ZNF324: variants seen among roughly 807,000 people sequenced by gnomAD.
The protein encoded by ZNF324 is zinc finger protein 324, also known as zinc finger protein 324A.
In ZNF324, 3 loss-of-function variants were observed where a neutral mutation model predicts 10.3. The observed-to-expected ratio is 0.29, with a 90% CI of 0.13 to 0.75. The LOEUF (loss-of-function observed/expected upper bound fraction) is 0.75, where lower values mean the gene tolerates loss of function less well. ZNF324 is among the 30% of genes least tolerant of loss of function. The pLI is 0.69. For missense variants in ZNF324, 763 were observed against 784.4 expected (o/e 0.97, Z 0.33); for synonymous variants, 430 against 339.5 (o/e 1.27, Z -2.93).
chr19:58,472,469 T>C lies in ZNF324; in HGVS notation c.*315T>C, dbSNP rs1205809902. On this transcript the variant is annotated 3_prime_UTR_variant, in exon 4 of 4. Transcript: ENST00000196482. ...AGCACTGCACTGTGGTGCGGCTTCATGTGATATGACAGTGGATGCTAAGGT... is the reference window on the plus strand; with the variant it reads ...AGCACTGCACTGTGGTGCGGCTTCACGTGATATGACAGTGGATGCTAAGGT... The C allele has an allele frequency of 5.5e-6, 2 of 363,324 alleles. No homozygotes were observed. The highest frequency in any genetic ancestry group is 1.0e-5 in the Non-Finnish European group (2 of 199,908). The allele number at this position is 363,324 out of a possible 1,614,324, so 22.5% of individuals were successfully genotyped here.
chr19:58,467,486 G>T (rs930875167), intron 1 of ZNF324: 1 of 152,308 alleles, frequency 6.6e-6, no homozygotes, highest in African/African-American at 2.4e-5. Flanking sequence ...GGGTTCCGCT[G>T]GCGGCGGTGG....
intron 2 of ZNF324, 105 bp from the exon 3 acceptor site, chr19:58,469,623 C>T (rs1022876018): frequency 2.1e-6 from 2 of 958,316 alleles, no homozygotes; most frequent in African/African-American, 1.6e-5. Flanking sequence ...TGCAGTTGCA[C>T]AGATGACATT....
In ZNF324 at chr19:58,471,332, C is replaced by T. The variant is rs61186597; in HGVS notation, c.840C>T (p.Thr280=). The change falls in exon 4 of 4, where the codon ACC becomes ACT. Residue 280 remains threonine (T), a synonymous_variant. Coordinates refer to ENST00000196482, the MANE Select transcript of ZNF324 (RefSeq NM_014347.3). ...SDLLKHLRTH[T]GERPYECAQC... ...TCCTCAAGCACCTACGCACCCACACCGGGGAGCGGCCCTACGAGTGCGCCC... is the reference window on the plus strand; with the variant it reads ...TCCTCAAGCACCTACGCACCCACACTGGGGAGCGGCCCTACGAGTGCGCCC... The T allele has an allele frequency of 3.2e-3, 5,157 of 1,614,002 alleles. 117 individuals carry two copies. The African/African-American group carries it at 0.056, about 18-fold the overall frequency.
At chr19:58,469,926 G>C (rs915885788) in intron 3 of ZNF324, 82 bp downstream of exon 3, 2 of 1,112,332 alleles carry the variant, frequency 1.8e-6, no homozygotes, top group Non-Finnish European at 2.6e-6. Context: ...CTCCCCAGAA[G>C]CACCCTCCTC....
chr19:58,469,171 C>T lies in ZNF324; in HGVS notation c.-6-9C>T, dbSNP rs2053006450. ...GACCATGGCTGTCTCTTCCTCCCTG[C>T]TCTTTTAGGACCAGATGGCCTTTGA... On this transcript the variant is annotated splice_polypyrimidine_tract_variant and intron_variant, in intron 1 of 3. Transcript: ENST00000196482. 2 of 1,614,058 alleles carry T rather than the reference C, an allele frequency of 1.2e-6. No homozygotes were observed. Among genetic ancestry groups the T allele is most frequent in the Admixed American group, 1.7e-5 (1 of 60,014 alleles).
At chr19:58,468,099 G>T (rs575935465) in intron 1 of ZNF324, 1 of 743,628 alleles carries the variant, frequency 1.3e-6, no homozygotes, top group Non-Finnish European at 1.6e-6. Context: ...TGAGCGCCTG[G>T]AAGAAGAGAG....
chr19:58,468,896 G>A (rs955407114), intron 1 of ZNF324, among the ~76,000 whole-genome samples: 3 of 152,172 alleles, frequency 2.0e-5, no homozygotes, highest in Admixed American at 6.5e-5. Flanking sequence ...GTGGCTGTTG[G>A]GATGGGGAGC....
chr19:58,472,245 C>T lies in ZNF324; in HGVS notation c.*91C>T, dbSNP rs993648097. 46 of 1,339,370 alleles carry T rather than the reference C, an allele frequency of 3.4e-5. No homozygotes were observed. The highest frequency in any genetic ancestry group is 2.2e-4 in the South Asian group (15 of 66,976). The allele number at this position is 1,339,370 out of a possible 1,614,324, so 83.0% of individuals were successfully genotyped here. Reference sequence around the variant, plus strand: ...CAGATCCACAGCAGAGAAAAAGTCCCGTGCTTGCTAGTCAGGGACAAGGGA... The same window carrying T: ...CAGATCCACAGCAGAGAAAAAGTCCTGTGCTTGCTAGTCAGGGACAAGGGA... On this transcript the variant is annotated 3_prime_UTR_variant, in exon 4 of 4. Transcript: ENST00000196482.
Position 58,471,275 on chromosome 19 carries a change from G to C in ZNF324, c.783G>C (p.Ala261=), listed in dbSNP as rs760237175. 1 of 1,613,632 alleles carries C rather than the reference G, an allele frequency of 6.2e-7. No homozygotes were observed. Among genetic ancestry groups the C allele is most frequent in the East Asian group, 2.2e-5 (1 of 44,868 alleles). The change falls in exon 4 of 4, where the codon GCG becomes GCC. Residue 261 remains alanine (A), a synonymous_variant. Transcript: ENST00000196482. The stretch of plus-strand genomic sequence containing the variant: ...GGGAGAAGTCCTTCGAATGCAGGGC[G>C]TGCAGCAAAGTGTTCGTGAAGAGCT... The part of the protein sequence containing the change: ...HAGEKSFECR[A]CSKVFVKSSD...
In ZNF324 at chr19:58,469,861, G is replaced by C; in HGVS notation, c.238+17G>C. The stretch of plus-strand genomic sequence containing the variant: ...GCAACCCTGGTGAGAGGGAGCTCAG[G>C]GTGGGGTGAATTCAGGACCAACCTG... On this transcript the variant is annotated intron_variant, in intron 3 of 3. Coordinates refer to ENST00000196482, the MANE Select transcript of ZNF324 (RefSeq NM_014347.3). 1.3e-6 allele frequency: 2 copies of C among 1,586,844 alleles called. No individual in the cohort carries two copies. Among genetic ancestry groups the C allele is most frequent in the Non-Finnish European group, 1.7e-6 (2 of 1,165,548 alleles).
chr19:58,467,613 G>A lies in ZNF324; in HGVS notation c.-7+430G>A, dbSNP rs1405963374. ...GTCGTCTTTCCTCTCCCTGCCCTGG[G>A]GGGGTTGCGGGGGTCAGTGCAAACT... is the stretch of plus-strand genomic sequence containing the variant. On this transcript the variant is annotated intron_variant, in intron 1 of 3. Coordinates refer to ENST00000196482, the MANE Select transcript of ZNF324 (RefSeq NM_014347.3). 4 of 152,564 alleles carry A rather than the reference G, an allele frequency of 2.6e-5. No individual in the cohort carries two copies. The East Asian group carries it at 7.8e-4, about 30-fold the overall frequency. The allele number at this position is 152,564 out of a possible 1,614,324, so 9.5% of individuals were successfully genotyped here. A position where few individuals can be genotyped will look rare whatever the true frequency, so the allele number is the denominator to read the frequency against.
chr19:58,473,410 A>C lies in ZNF324; in HGVS notation c.*1256A>C, dbSNP rs2053055443. The C allele has an allele frequency of 1.7e-5, 2 of 116,870 alleles. No individual in the cohort carries two copies. Among genetic ancestry groups the C allele is most frequent in the Admixed American group, 1.8e-4 (2 of 11,126 alleles). 7.2% of individuals were successfully genotyped at this position (116,870 alleles called of 1,614,324 possible). ...CTCCAAGGAAATTCATGTTCTCCTTAATGGAAAAAAAAAAAAAAAGACTAC... is the reference window on the plus strand; with the variant it reads ...CTCCAAGGAAATTCATGTTCTCCTTCATGGAAAAAAAAAAAAAAAGACTAC... On this transcript the variant is annotated 3_prime_UTR_variant, in exon 4 of 4. Coordinates refer to ENST00000196482, the MANE Select transcript of ZNF324 (RefSeq NM_014347.3).
At chr19:58,469,419 G>C in intron 2 of ZNF324, 113 bp downstream of exon 2, 1 of 1,422,736 alleles carries the variant, frequency 7.0e-7, no homozygotes, top group Non-Finnish European at 9.5e-7. Context: ...GCAGCCAGGA[G>C]CCATGTGGAA....
rs1291112803 is a variant in ZNF324 at position 58,471,224 on chromosome 19, C to T, written c.732C>T (p.Asp244=). 5.6e-6 allele frequency: 9 copies of T among 1,613,580 alleles called. No homozygotes were observed. The highest frequency in any genetic ancestry group is 2.7e-5 in the African/African-American group (2 of 75,016). ...GTGGCCAGGAGCCCTCGACCTGGGACGAGCTGGGCGAGGCTCTTCACGCTG... is the reference window on the plus strand; with the variant it reads ...GTGGCCAGGAGCCCTCGACCTGGGATGAGCTGGGCGAGGCTCTTCACGCTG... The part of the protein sequence containing the change: ...LLGGQEPSTW[D]ELGEALHAGE... Residue 244 remains aspartate (D), a synonymous_variant, in exon 4 of 4, where the codon GAC becomes GAT. Transcript: ENST00000196482.
chr19:58,468,227 G>T, intron 1 of ZNF324: 1 of 985,392 alleles, frequency 1.0e-6, no homozygotes, highest in Non-Finnish European at 1.2e-6. Context: ...TGGCGTCCTG[G>T]GCTGTGGACA....
At chr19:58,468,794 G>A (rs535398234) in intron 1 of ZNF324, among the ~76,000 whole-genome samples, 1 of 152,120 alleles carries the variant, frequency 6.6e-6, no homozygotes, top group Non-Finnish European at 1.5e-5. Flanking sequence ...GCAGAGGGGA[G>A]GGGTCCCAGA....
chr19:58,468,294 T>A (rs1269153930), intron 1 of ZNF324: 1 of 969,774 alleles, frequency 1.0e-6, no homozygotes, highest in Admixed American at 6.2e-5. Flanking sequence ...TGGGCAGTTA[T>A]GGCTTGAGGG....
Position 58,471,270 on chromosome 19 carries a change from A to G in ZNF324, c.778A>G (p.Arg260Gly). 2 of 1,613,634 alleles carry G rather than the reference A, an allele frequency of 1.2e-6. No homozygotes were observed. Among genetic ancestry groups the G allele is most frequent in the African/African-American group, 1.3e-5 (1 of 75,032 alleles). ...CGCTGGGGAGAAGTCCTTCGAATGC[A>G]GGGCGTGCAGCAAAGTGTTCGTGAA... ...LHAGEKSFEC[R>G]ACSKVFVKSS... Residue 260 changes from arginine to glycine, a missense_variant, in exon 4 of 4, where the codon AGG (arginine) becomes GGG (glycine). This residue lies in a region of ZNF324 where 153 missense variants were observed against 269.0 expected (regional missense o/e 0.57). Transcript: ENST00000196482.
intron 2 of ZNF324, among the ~76,000 whole-genome samples, 178 bp downstream of exon 2, chr19:58,469,484 C>T (rs1568610835): frequency 6.6e-6 from 1 of 152,242 alleles, no homozygotes; most frequent in South Asian, 2.1e-4. Flanking sequence ...CTCCCTGTGG[C>T]GCTGTCCGGC....
Sources: gnomAD v4.1 joint callset for allele counts (sites outside exome capture counted in the v4.1 genomes callset) on GRCh38, gnomAD v4.1.1 for gene constraint, gnomAD v4.1.1 regional missense constraint, MANE v1.5 for transcripts, NCBI Gene and HGNC (gene_info 2026-07-23, HGNC 2026-07-21) for gene names.